CEP112: variants seen among roughly 807,000 people sequenced by gnomAD.
CEP112 encodes centrosomal protein 112.
Under a neutral mutation model 153.0 loss-of-function variants are expected in CEP112, and 127 were observed. The observed-to-expected ratio is 0.83, with a 90% CI of 0.72 to 0.96. CEP112 has a LOEUF of 0.96. CEP112 is among the 40% of genes least tolerant of loss of function. The pLI, the probability that CEP112 is intolerant of heterozygous loss-of-function variation, is 0.00. For synonymous variants in CEP112, 358 were observed against 374.4 expected (o/e 0.96, Z 0.51); for missense variants, 1,089 against 1,101.2 (o/e 0.99, Z 0.16).
chr17:65,710,036 C>T (rs1288000891), intron 23 of CEP112, among the ~76,000 whole-genome samples: 1 of 152,122 alleles, frequency 6.6e-6, no homozygotes, highest in East Asian at 1.9e-4. Context: ...GAGCCCTACC[C>T]CAGACTGACA....
intron 18 of CEP112, among the ~76,000 whole-genome samples, chr17:65,945,389 G>A (rs2061619293): frequency 1.3e-5 from 2 of 151,934 alleles, no homozygotes; most frequent in Non-Finnish European, 2.9e-5. Flanking sequence ...ATTTCAGTAG[G>A]GCACATATGT....
intron 21 of CEP112, among the ~76,000 whole-genome samples, chr17:65,830,570 C>A (rs2057033469): frequency 6.6e-6 from 1 of 152,194 alleles, no homozygotes; most frequent in African/African-American, 2.4e-5. Flanking sequence ...TGGATCTTGG[C>A]AGCTACTCTG....
intron 18 of CEP112, among the ~76,000 whole-genome samples, chr17:65,957,437 G>A (rs1424461759): frequency 6.6e-6 from 1 of 151,972 alleles, no homozygotes; most frequent in African/African-American, 2.4e-5. Flanking sequence ...CTTGCCTTTA[G>A]CATGCAAAAA....
intron 12 of CEP112, 106 bp downstream of exon 12, chr17:66,053,630 A>G: frequency 8.6e-7 from 1 of 1,157,004 alleles, no homozygotes; most frequent in Non-Finnish European, 1.2e-6. Context: ...TTTTCTTTTG[A>G]TTCTGTAACA....
rs139934406 is a variant in CEP112, at chr17:65,967,811, G to C, written c.1737-6213C>G. Among the ~76,000 whole-genome samples the C allele has an allele frequency of 9.5e-4, 144 of 152,144 alleles. 1 individual carries two copies. Among genetic ancestry groups the C allele is most frequent in the Middle Eastern group, 3.4e-3 (1 of 290 alleles). ...GGGTCCATAAATAAAACAAACTCTA[G>C]CTCAGCAAATACAAAAGCAAGTAAT... On this transcript the variant is annotated intron_variant, in intron 17 of 26. Transcript: ENST00000535342.
intron 11 of CEP112, among the ~76,000 whole-genome samples, chr17:66,061,695 C>T (rs988535582): frequency 1.3e-4 from 20 of 151,790 alleles, no homozygotes; most frequent in African/African-American, 4.8e-4. Flanking sequence ...AAACTGGGAG[C>T]AGAAAAACAA....
intron 23 of CEP112, among the ~76,000 whole-genome samples, chr17:65,728,445 G>A (rs565597845): frequency 1.8e-4 from 28 of 152,152 alleles, no homozygotes; most frequent in Non-Finnish European, 2.5e-4. Flanking sequence ...ACGCCATACA[G>A]TCTATCCACT....
At chr17:65,987,090 T>A (rs1303969037) in intron 17 of CEP112, among the ~76,000 whole-genome samples, 1 of 151,992 alleles carries the variant, frequency 6.6e-6, no homozygotes, top group African/African-American at 2.4e-5. Context: ...AAACACAGAA[T>A]AAAAATATAC....
intron 6 of CEP112, among the ~76,000 whole-genome samples, chr17:66,125,043 A>C (rs1447941269): frequency 6.6e-6 from 1 of 152,176 alleles, no homozygotes; most frequent in Non-Finnish European, 1.5e-5. Context: ...ATGAATAATA[A>C]ATATTTACTA....
chr17:65,888,436 G>A (rs778770672), intron 20 of CEP112, among the ~76,000 whole-genome samples: 14 of 151,806 alleles, frequency 9.2e-5, no homozygotes, highest in Non-Finnish European at 1.8e-4. Context: ...ACACAAAGGT[G>A]TTCAACAAAT....
At chr17:65,769,205 A>G (rs1409580451) in intron 21 of CEP112, among the ~76,000 whole-genome samples, 1 of 152,086 alleles carries the variant, frequency 6.6e-6, no homozygotes, top group East Asian at 1.9e-4. Context: ...TAAAATAGGA[A>G]TAAATTTAAC....
At chr17:65,656,436 T>C (rs961835342) in intron 24 of CEP112, among the ~76,000 whole-genome samples, 5 of 152,242 alleles carry the variant, frequency 3.3e-5, no homozygotes, top group Admixed American at 2.6e-4. Context: ...TGAAACAACA[T>C]AGAATATGCA....
intron 6 of CEP112, among the ~76,000 whole-genome samples, chr17:66,128,888 A>C (rs1568523862): frequency 6.6e-6 from 1 of 152,188 alleles, no homozygotes; most frequent in African/African-American, 2.4e-5. Context: ...ATCTTATAAA[A>C]ACACACAGAA....
At chr17:65,980,968 C>A (rs9898860) in intron 17 of CEP112, among the ~76,000 whole-genome samples, 2 of 151,774 alleles carry the variant, frequency 1.3e-5, no homozygotes, top group African/African-American at 2.4e-5. Flanking sequence ...AGTAGTGACG[C>A]TTCTATTAAA....
intron 21 of CEP112, among the ~76,000 whole-genome samples, chr17:65,845,610 G>T (rs1568106583): frequency 6.6e-6 from 1 of 152,104 alleles, no homozygotes. Flanking sequence ...TTCAAGGAAG[G>T]TTATTTTTAA....
At chr17:65,678,019 G>C (rs1004265458) in intron 24 of CEP112, among the ~76,000 whole-genome samples, 2 of 148,326 alleles carry the variant, frequency 1.3e-5, no homozygotes, top group African/African-American at 4.8e-5. Context: ...CAGAAAAAGG[G>C]CTGGACTATA....
chr17:65,821,737 A>C (rs2056596690), intron 21 of CEP112, among the ~76,000 whole-genome samples: 1 of 150,292 alleles, frequency 6.7e-6, no homozygotes, highest in Admixed American at 6.6e-5. Context: ...TTTTTAGTAG[A>C]GATGAGGTTT....
intron 12 of CEP112, among the ~76,000 whole-genome samples, chr17:66,051,585 C>T (rs967953915): frequency 1.3e-5 from 2 of 152,102 alleles, no homozygotes; most frequent in African/African-American, 2.4e-5. Flanking sequence ...TTCCAAACAA[C>T]TGTGCATACC....
intron 17 of CEP112, among the ~76,000 whole-genome samples, chr17:65,972,739 T>C (rs769115050): frequency 1.3e-5 from 2 of 152,176 alleles, no homozygotes; most frequent in Non-Finnish European, 2.9e-5. Context: ...GAAACCAGTA[T>C]CATAAAAGAA....
Sources: allele counts gnomAD v4.1 joint callset (sites outside exome capture counted in the v4.1 genomes callset), GRCh38; gene constraint gnomAD v4.1.1; transcripts MANE v1.5; gene names NCBI Gene and HGNC (gene_info 2026-07-23, HGNC 2026-07-21).